Variants in ARRDC3 observed in about 807,000 individuals in gnomAD.
The protein encoded by ARRDC3 is arrestin domain-containing protein 3.
In ARRDC3, 10 loss-of-function variants were observed where a neutral mutation model predicts 47.2. That is an observed-to-expected ratio of 0.21 (90% CI 0.13 to 0.36). ARRDC3 has a LOEUF of 0.36. ARRDC3 is among the 10% of genes least tolerant of loss of function. ARRDC3 has a pLI of 1.00. For synonymous variants in ARRDC3, 156 were observed against 178.3 expected (o/e 0.87, Z 1.00); for missense variants, 381 against 503.6 (o/e 0.76, Z 2.33).
rs1361843296 is a variant in ARRDC3 at position 91,370,968 on chromosome 5, A to G, written c.*432T>C. 1 of 155,026 alleles carries G rather than the reference A, an allele frequency of 6.5e-6. No individual in the cohort carries two copies. The highest frequency in any genetic ancestry group is 1.9e-4 in the East Asian group (1 of 5,278). 9.6% of individuals were successfully genotyped at this position (155,026 alleles called of 1,614,324 possible). ...TGTTTTGTTCCTTGTTGTGCTGACC[A>G]CAAACAAGTTTTAAGAGTATCAAGA... On this transcript the variant is annotated 3_prime_UTR_variant, in exon 8 of 8. Transcript: ENST00000265138.
chr5:91,371,418 T>A lies in ARRDC3; in HGVS notation c.1227A>T (p.Pro409=), dbSNP rs774095402. The part of the protein sequence containing the change: ...PNPDQSADDR[P]SCPSR ...TGTTCCTTCAACGAGAGGGGCAGGA[T>A]GGTCTATCATCTGCTGACTGATCAG... is the stretch of plus-strand genomic sequence containing the variant. The change falls in exon 8 of 8, where the codon CCA becomes CCT. Residue 409 remains proline, a synonymous_variant. Transcript: ENST00000265138. 91 of 1,613,440 alleles carry A rather than the reference T, an allele frequency of 5.6e-5. No homozygotes were observed. Among genetic ancestry groups the A allele is most frequent in the Non-Finnish European group, 7.6e-5 (90 of 1,179,658 alleles).
chr5:91,377,858 TTCTC>T (rs1582374174), intron 2 of ARRDC3, among the ~76,000 whole-genome samples: 1 of 152,012 alleles, frequency 6.6e-6, no homozygotes, highest in African/African-American at 2.4e-5. Flanking sequence ...CATTTATGAC[TTCTC>T]TCTCTATATA....
In ARRDC3 at chr5:91,370,649, G is replaced by A. The variant is rs1382041269; in HGVS notation, c.*751C>T. ...GCAACAAATTCTTAAAAGAAACCAA[G>A]AAGGTATACAATCTTGACAGTCTCT... is the stretch of plus-strand genomic sequence containing the variant. On this transcript the variant is annotated 3_prime_UTR_variant, in exon 8 of 8. Coordinates refer to ENST00000265138, the MANE Select transcript of ARRDC3 (RefSeq NM_020801.4). The A allele has an allele frequency of 6.6e-6, 1 of 152,572 alleles. No homozygotes were observed. Among genetic ancestry groups the A allele is most frequent in the East Asian group, 1.9e-4 (1 of 5,198 alleles). The allele number at this position is 152,572 out of a possible 1,614,324, so 9.5% of individuals were successfully genotyped here.
Position 91,373,832 on chromosome 5 carries a change from G to A in ARRDC3, c.1040C>T (p.Pro347Leu). 1 of 1,613,894 alleles carries A rather than the reference G, an allele frequency of 6.2e-7. No individual in the cohort carries two copies. The highest frequency in any genetic ancestry group is 1.7e-5 in the Admixed American group (1 of 59,982). The change falls in exon 7 of 8, where the codon CCC becomes CTC. Residue 347 changes from proline (P) to leucine (L), a missense_variant. Coordinates refer to ENST00000265138, the MANE Select transcript of ARRDC3 (RefSeq NM_020801.4). Reference protein sequence around the residue: ...LSLPERPEAPPSYAEVVTEEQ... With the variant: ...LSLPERPEAPLSYAEVVTEEQ... ...CTCTGTTACCACTTCTGCATAGCTG[G>A]GTGGTGCTGAAGGAAAAAGATACAC...
rs921821860 is a variant in ARRDC3, at chr5:91,369,352, G to A, written c.*2048C>T. ...AAATATTCCATTAGCTTTTTTTGAG[G>A]GGGACATTCACAAAATGATTCAACA... On this transcript the variant is annotated 3_prime_UTR_variant, in exon 8 of 8. Transcript: ENST00000265138. 2 of 151,936 alleles carry A rather than the reference G, an allele frequency of 1.3e-5. No homozygotes were observed. Among genetic ancestry groups the A allele is most frequent in the Non-Finnish European group, 2.9e-5 (2 of 67,938 alleles). The allele number at this position is 151,936 out of a possible 1,614,324, so 9.4% of individuals were successfully genotyped here. A position where few individuals can be genotyped will look rare whatever the true frequency, so the allele number is the denominator to read the frequency against.
intron 1 of ARRDC3, among the ~76,000 whole-genome samples, chr5:91,378,976 TA>T (rs1299718281): frequency 2.0e-5 from 3 of 152,090 alleles, no homozygotes; most frequent in African/African-American, 7.2e-5. Flanking sequence ...GCCTTATCTG[TA>T]AAATGGGGAT....
intron 1 of ARRDC3, 117 bp from the exon 2 acceptor site, chr5:91,378,892 G>A (rs1344248898): frequency 3.7e-6 from 2 of 536,780 alleles, no homozygotes; most frequent in East Asian, 3.4e-5. Context: ...ACAAGCTTTG[G>A]AGTCTGAGAG....
intron 2 of ARRDC3, among the ~76,000 whole-genome samples, chr5:91,377,753 C>T (rs1433955219): frequency 6.6e-6 from 1 of 152,008 alleles, no homozygotes; most frequent in Non-Finnish European, 1.5e-5. Context: ...ATTCTATCAA[C>T]AGACTTTAAT....
At position 91,370,062 on chromosome 5, in the gene ARRDC3, T is replaced by TA. The variant is rs1799134909; in HGVS notation, c.*1337dup. 6.6e-6 allele frequency: 1 copy of TA among 152,196 alleles called. No individual in the cohort carries two copies. The allele number at this position is 152,196 out of a possible 1,614,324, so 9.4% of individuals were successfully genotyped here. A position where few individuals can be genotyped will look rare whatever the true frequency, so the allele number is the denominator to read the frequency against. On this transcript the variant is annotated 3_prime_UTR_variant, in exon 8 of 8. Coordinates refer to ENST00000265138, the MANE Select transcript of ARRDC3 (RefSeq NM_020801.4). ...TTAAATTTTGAAGTTACTTTTGGAA[T>TA]AAAGTCGAGTTTTCATGCCATACCA...
chr5:91,376,458 T>C (rs1336797160), intron 3 of ARRDC3, 163 bp downstream of exon 3: 4 of 640,294 alleles, frequency 6.2e-6, no homozygotes, highest in Non-Finnish European at 1.0e-5. Flanking sequence ...TATTTTTCAT[T>C]AATTTCAGTG....
Position 91,383,308 on chromosome 5 carries a change from T to C in ARRDC3, c.-216A>G, listed in dbSNP as rs994417661. 3.2e-5 allele frequency: 15 copies of C among 471,652 alleles called. No individual in the cohort carries two copies. The highest frequency in any genetic ancestry group is 2.6e-4 in the South Asian group (7 of 26,938). The allele number at this position is 471,652 out of a possible 1,614,324, so 29.2% of individuals were successfully genotyped here. On this transcript the variant is annotated 5_prime_UTR_variant, in exon 1 of 8. Coordinates refer to ENST00000265138, the MANE Select transcript of ARRDC3 (RefSeq NM_020801.4). ...GCTCCCGCTCGTCTCAGTGGTCTCC[T>C]TACAAAGACGGGCGGCTAAAAGCTG...
intron 4 of ARRDC3, 132 bp from the exon 5 acceptor site, chr5:91,375,310 G>C (rs556348617): frequency 5.5e-6 from 6 of 1,083,428 alleles, no homozygotes; most frequent in African/African-American, 1.6e-5. Flanking sequence ...CAAATAACTT[G>C]AGTCATAGAA....
chr5:91,377,055 A>G (rs988513544), intron 2 of ARRDC3, among the ~76,000 whole-genome samples: 25 of 152,350 alleles, frequency 1.6e-4, no homozygotes, highest in African/African-American at 5.0e-4. Context: ...CAAAATCATG[A>G]AAGTTTAATG....
At position 91,373,785 on chromosome 5, in the gene ARRDC3, C is replaced by T. The variant is rs1382220652; in HGVS notation, c.1087G>A (p.Ala363Thr). 1.9e-6 allele frequency: 3 copies of T among 1,613,952 alleles called. No homozygotes were observed. The highest frequency in any genetic ancestry group is 2.5e-6 in the Non-Finnish European group (3 of 1,179,976). Residue 363 changes from alanine (A) to threonine (T), a missense_variant, in exon 7 of 8, where the codon GCA (alanine) becomes ACA (threonine). Ala to Thr is a moderately conservative substitution (Grantham distance 58). Transcript: ENST00000265138. ...AAGTCATCACAAGCACTCACTGGTG[C>T]AAGATTGTTCCGCCTTTGTTCCTCT... The part of the protein sequence containing the change: ...VTEEQRRNNL[A>T]PVSACDDFER...
At chr5:91,379,656 G>C (rs1385532546) in intron 1 of ARRDC3, among the ~76,000 whole-genome samples, 5 of 151,908 alleles carry the variant, frequency 3.3e-5, no homozygotes, top group African/African-American at 1.2e-4. Context: ...AAATATGGGA[G>C]GGGGTTCTAG....
rs1297242333 is a variant in ARRDC3, at chr5:91,370,272, A to C, written c.*1128T>G. On this transcript the variant is annotated 3_prime_UTR_variant, in exon 8 of 8. Coordinates refer to ENST00000265138, the MANE Select transcript of ARRDC3 (RefSeq NM_020801.4). ...TCCCTCCTTTCCCCAGTGAATGGAA[A>C]ACTTCCATACTTTCAAAATAATAAT... 1 of 152,606 alleles carries C rather than the reference A, an allele frequency of 6.6e-6. No homozygotes were observed. The highest frequency in any genetic ancestry group is 1.5e-5 in the Non-Finnish European group (1 of 68,038). The allele number at this position is 152,606 out of a possible 1,614,324, so 9.5% of individuals were successfully genotyped here.
chr5:91,376,847 T>C, intron 2 of ARRDC3, 79 bp from the exon 3 acceptor site: 1 of 1,313,864 alleles, frequency 7.6e-7, no homozygotes, highest in Non-Finnish European at 1.0e-6. Context: ...ATAGAAGTGT[T>C]AATATATTGT....
At position 91,373,834 on chromosome 5, in the gene ARRDC3, T is replaced by C. The variant is rs768961726; in HGVS notation, c.1038A>G (p.Pro346=). Residue 346 remains proline (P), a synonymous_variant, in exon 7 of 8, where the codon CCA becomes CCG. Coordinates refer to ENST00000265138, the MANE Select transcript of ARRDC3 (RefSeq NM_020801.4). ...CTGTTACCACTTCTGCATAGCTGGGTGGTGCTGAAGGAAAAAGATACACGC... is the reference window on the plus strand; with the variant it reads ...CTGTTACCACTTCTGCATAGCTGGGCGGTGCTGAAGGAAAAAGATACACGC... The part of the protein sequence containing the change: ...SLSLPERPEA[P]PSYAEVVTEE... 6.2e-7 allele frequency: 1 copy of C among 1,613,920 alleles called. No homozygotes were observed. Among genetic ancestry groups the C allele is most frequent in the South Asian group, 1.1e-5 (1 of 91,082 alleles).
Position 91,371,250 on chromosome 5 carries a change from A to G in ARRDC3, c.*150T>C, listed in dbSNP as rs977994698. On this transcript the variant is annotated 3_prime_UTR_variant, in exon 8 of 8. Coordinates refer to ENST00000265138, the MANE Select transcript of ARRDC3 (RefSeq NM_020801.4). ...GAATGTTGCTGTAGGCTTCTAAAGC[A>G]TGATCACTGGTTGTTTCATGTATTC... is the stretch of plus-strand genomic sequence containing the variant. 1.1e-5 allele frequency: 7 copies of G among 636,608 alleles called. No individual in the cohort carries two copies. Among genetic ancestry groups the G allele is most frequent in the Admixed American group, 3.0e-5 (1 of 33,578 alleles). 39.4% of individuals were successfully genotyped at this position (636,608 alleles called of 1,614,324 possible).
Sources: allele counts gnomAD v4.1 joint callset (sites outside exome capture counted in the v4.1 genomes callset), GRCh38; gene constraint gnomAD v4.1.1; transcripts MANE v1.5; gene names NCBI Gene and HGNC (gene_info 2026-07-23, HGNC 2026-07-21).